The following ATP2A1 variants were observed in gnomAD, a reference collection of about 807,000 sequenced individuals.
The protein encoded by ATP2A1 is ATPase sarcoplasmic/endoplasmic reticulum Ca2+ transporting 1.
ATP2A1 carries 83 observed loss-of-function variants against 109.5 expected under a neutral mutation model. The observed-to-expected ratio is 0.76, with a 90% CI of 0.63 to 0.91. The LOEUF (loss-of-function observed/expected upper bound fraction) is 0.91, where lower values mean the gene tolerates loss of function less well. Ranked by LOEUF, ATP2A1 falls within the 40% of genes least tolerant of loss-of-function variation. The probability of loss-of-function intolerance (pLI) is 0.00; values close to 1 mark genes in which losing one functional copy is unlikely to be tolerated. For missense variants in ATP2A1, 1,101 were observed against 1,341.0 expected, an observed-to-expected ratio of 0.82 and a Z score of 2.80; for synonymous variants, 505 against 537.6, an observed-to-expected ratio of 0.94 and a Z score of 0.84.
chr16:28,902,126 G>A lies in ATP2A1; in HGVS notation c.2321+43G>A, dbSNP rs766868140. On this transcript the variant is annotated intron_variant, in intron 16 of 22. Coordinates refer to ENST00000395503, the MANE Select transcript of ATP2A1 (RefSeq NM_004320.6). The surrounding 1 kb of genome is among the most constrained non-coding windows in gnomAD (Gnocchi z 4.8). ...CGTCCAGGAGGAAGCCGGGGTTAGG[G>A]TGGGGTGGCTGCAGGTCTGGGAGGC... is the stretch of plus-strand genomic sequence containing the variant. The A allele has an allele frequency of 1.9e-6, 3 of 1,613,964 alleles. No individual in the cohort carries two copies. Among genetic ancestry groups the A allele is most frequent in the East Asian group, 4.5e-5 (2 of 44,878 alleles).
Position 28,880,119 on chromosome 16 carries a change from C to T in ATP2A1, c.219+536C>T. 2.0e-6 allele frequency: 2 copies of T among 997,392 alleles called. No individual in the cohort carries two copies. Among genetic ancestry groups the T allele is most frequent in the Non-Finnish European group, 2.4e-6 (2 of 839,392 alleles). 61.8% of individuals were successfully genotyped at this position (997,392 alleles called of 1,614,324 possible). Reference sequence around the variant, plus strand: ...GGTCAGGGAGGGCACTGGCATCCCTCATTACCCGCCCAGCCTGGCCTTAGC... The same window carrying T: ...GGTCAGGGAGGGCACTGGCATCCCTTATTACCCGCCCAGCCTGGCCTTAGC... On this transcript the variant is annotated intron_variant, in intron 3 of 22. Coordinates refer to ENST00000395503, the MANE Select transcript of ATP2A1 (RefSeq NM_004320.6). The surrounding 1 kb of genome is among the most constrained non-coding windows in gnomAD (Gnocchi z 4.2).
intron 8 of ATP2A1, 79 bp from the exon 9 acceptor site, chr16:28,888,708 G>A: frequency 6.6e-7 from 1 of 1,526,074 alleles, no homozygotes; most frequent in Non-Finnish European, 9.0e-7. Context: ...CCCAGCTGGG[G>A]GCTACTATTT....
chr16:28,895,116 C>T (rs1452136478), intron 12 of ATP2A1, among the ~76,000 whole-genome samples, 163 bp downstream of exon 12: 1 of 152,240 alleles, frequency 6.6e-6, no homozygotes, highest in Admixed American at 6.5e-5. Flanking sequence ...GTGGGTGGGA[C>T]CCATTGTCCC....
intron 3 of ATP2A1, chr16:28,879,909 C>A: frequency 2.5e-6 from 2 of 794,380 alleles, no homozygotes; most frequent in Non-Finnish European, 3.2e-6. Flanking sequence ...CCGGCTGCGG[C>A]GCGGGGGGCC....
chr16:28,888,884 G>A lies in ATP2A1; in HGVS notation c.1026G>A (p.Leu342=). 1.9e-6 allele frequency: 3 copies of A among 1,614,098 alleles called. No homozygotes were observed. Among genetic ancestry groups the A allele is most frequent in the East Asian group, 2.2e-5 (1 of 44,878 alleles). Reference sequence around the variant, plus strand: ...GAAGCTTGCCCTCCGTAGAGACCCTGGGCTGCACCTCTGTCATCTGTTCCG... The same window carrying A: ...GAAGCTTGCCCTCCGTAGAGACCCTAGGCTGCACCTCTGTCATCTGTTCCG... The part of the protein sequence containing the change: ...IVRSLPSVET[L]GCTSVICSDK... Residue 342 remains leucine (L), a synonymous_variant, in exon 9 of 23, where the codon CTG becomes CTA. Coordinates refer to ENST00000395503, the MANE Select transcript of ATP2A1 (RefSeq NM_004320.6).
Position 28,904,343 on chromosome 16 carries a change from T to C in ATP2A1, c.*201T>C, listed in dbSNP as rs1964185480. ...ATGTCCCCTTCCCTTTCCTTCCCCC[T>C]CGGCCACCCGCCTCCCTCTCAACCT... On this transcript the variant is annotated 3_prime_UTR_variant, in exon 23 of 23. Coordinates refer to ENST00000395503, the MANE Select transcript of ATP2A1 (RefSeq NM_004320.6). The C allele has an allele frequency of 5.2e-6, 8 of 1,549,326 alleles. 1 individual carries two copies. In the South Asian group the frequency reaches 9.3e-5, roughly 18 times the overall value.
At chr16:28,888,665 A>G (rs1963684954) in intron 8 of ATP2A1, 122 bp from the exon 9 acceptor site, 5 of 1,214,134 alleles carry the variant, frequency 4.1e-6, no homozygotes, top group African/African-American at 3.0e-5. Flanking sequence ...TCAGCCTCCC[A>G]AAGTGCTAGG....
intron 14 of ATP2A1, among the ~76,000 whole-genome samples, chr16:28,899,484 C>A (rs895238585): frequency 5.2e-4 from 79 of 151,280 alleles, no homozygotes; most frequent in African/African-American, 1.9e-3. Flanking sequence ...ACTAAAAATA[C>A]AAAAATTAGC....
intron 9 of ATP2A1, 23 bp downstream of exon 9, chr16:28,888,976 C>T (rs373838415): frequency 6.2e-6 from 10 of 1,613,666 alleles, no homozygotes; most frequent in Non-Finnish European, 8.5e-6. Flanking sequence ...GTGGGCAGCG[C>T]GCTCAGTCAG....
chr16:28,881,049 T>C, intron 4 of ATP2A1, 30 bp downstream of exon 4: 2 of 1,600,126 alleles, frequency 1.2e-6, no homozygotes, highest in Non-Finnish European at 1.7e-6. Flanking sequence ...TACCCCTTCA[T>C]GTCCCAACAG....
chr16:28,881,129 C>G lies in ATP2A1; in HGVS notation c.324+110C>G, dbSNP rs891864700. On this transcript the variant is annotated intron_variant, in intron 4 of 22. Transcript: ENST00000395503. The stretch of plus-strand genomic sequence containing the variant: ...ACCTCCCCCATACTTGCCTCTTCCT[C>G]TGGTCCTATCCCCTGGTCTGGAATG... 5.5e-6 allele frequency: 6 copies of G among 1,092,912 alleles called. No homozygotes were observed. The African/African-American group carries it at 9.3e-5, about 17-fold the overall frequency. 67.7% of individuals were successfully genotyped at this position (1,092,912 alleles called of 1,614,324 possible). A position where few individuals can be genotyped will look rare whatever the true frequency, so the allele number is the denominator to read the frequency against.
At position 28,882,515 on chromosome 16, in the gene ATP2A1, A is replaced by G. The variant is rs1415927381; in HGVS notation, c.389A>G (p.Tyr130Cys). 2.5e-6 allele frequency: 4 copies of G among 1,614,082 alleles called. No individual in the cohort carries two copies. Among genetic ancestry groups the G allele is most frequent in the African/African-American group, 1.3e-5 (1 of 74,920 alleles). Residue 130 changes from tyrosine (Y) to cysteine (C), a missense_variant, in exon 5 of 23, where the codon TAC (tyrosine) becomes TGC (cysteine). By Grantham distance (194) the Tyr-to-Cys change is radical (BLOSUM62 -2). Coordinates refer to ENST00000395503, the MANE Select transcript of ATP2A1 (RefSeq NM_004320.6). ...TATGAGCCAGAGATGGGGAAGGTCT[A>G]CCGGGCTGACCGCAAGTCAGTGCAA... ...KEYEPEMGKV[Y>C]RADRKSVQRI...
At position 28,894,877 on chromosome 16, in the gene ATP2A1, T is replaced by A; in HGVS notation, c.1343T>A (p.Leu448Gln). The A allele has an allele frequency of 6.2e-7, 1 of 1,611,680 alleles. No homozygotes were observed. The stretch of plus-strand genomic sequence containing the variant: ...GCCACCGAGACAGCACTCACCACCC[T>A]GGTGGAGAAGATGAATGTGTTCAAC... The part of the protein sequence containing the change: ...GEATETALTT[L>Q]VEKMNVFNTD... The change falls in exon 12 of 23, where the codon CTG becomes CAG. Residue 448 changes from leucine (L) to glutamine (Q), a missense_variant. Transcript: ENST00000395503.
chr16:28,881,555 C>T, intron 4 of ATP2A1: 1 of 200,226 alleles, frequency 5.0e-6, no homozygotes, highest in Non-Finnish European at 1.0e-5. Context: ...CACTTTCATA[C>T]TTTGGGAGGC....
At chr16:28,882,626 C>T in intron 5 of ATP2A1, 37 bp downstream of exon 5, 1 of 1,612,194 alleles carries the variant, frequency 6.2e-7, no homozygotes, top group Non-Finnish European at 8.5e-7. Flanking sequence ...GATGGGAGGC[C>T]TTGGGGCTGA....
chr16:28,899,830 C>A (rs895114836), intron 14 of ATP2A1, among the ~76,000 whole-genome samples: 1 of 148,968 alleles, frequency 6.7e-6, no homozygotes, highest in Admixed American at 6.7e-5. Context: ...CGTGGTGGTG[C>A]GCCCTTATAA....
chr16:28,884,542 A>G (rs1476915416), intron 5 of ATP2A1, 33 bp from the exon 6 acceptor site: 2 of 1,584,942 alleles, frequency 1.3e-6, no homozygotes, highest in South Asian at 1.1e-5. Context: ...TTCCATTCCC[A>G]AGTGACCTCC....
intron 2 of ATP2A1, 140 bp from the exon 3 acceptor site, chr16:28,879,361 C>T: frequency 1.1e-6 from 1 of 928,296 alleles, no homozygotes. Context: ...AGGCGAGCTT[C>T]TTAGCCCTTC....
In ATP2A1 at chr16:28,883,882, C is replaced by T. The variant is rs753245521; in HGVS notation, c.464-693C>T. ...CCCTGCCTCCCTGAGATGCTCAGAC[C>T]GGGCTGTCAGGTTCCCGATATGTGG... On this transcript the variant is annotated intron_variant, in intron 5 of 22. Coordinates refer to ENST00000395503, the MANE Select transcript of ATP2A1 (RefSeq NM_004320.6). The surrounding 1 kb of genome is among the most constrained non-coding windows in gnomAD (Gnocchi z 5.2). 3.9e-5 allele frequency among the ~76,000 whole-genome samples: 6 copies of T among 152,014 alleles called. No homozygotes were observed. Among genetic ancestry groups the T allele is most frequent in the Admixed American group, 6.6e-5 (1 of 15,250 alleles).
Sources: allele counts gnomAD v4.1 joint callset (sites outside exome capture counted in the v4.1 genomes callset), GRCh38; gene constraint gnomAD v4.1.1; non-coding constraint Gnocchi (gnomAD v3.1); transcripts MANE v1.5; gene names NCBI Gene and HGNC (gene_info 2026-07-23, HGNC 2026-07-21).